CPSF4: variants seen among roughly 807,000 people sequenced by gnomAD.
CPSF4 encodes the protein cleavage and polyadenylation specific factor 4.
A neutral mutation model predicts 37.7 loss-of-function variants in CPSF4; 11 were observed. The observed-to-expected ratio is 0.29, with a 90% confidence interval of 0.18 to 0.48. The LOEUF (loss-of-function observed/expected upper bound fraction) is 0.48. Ranked by LOEUF, CPSF4 falls within the 20% of genes least tolerant of loss-of-function variation. The pLI is 0.99. For synonymous variants in CPSF4, 132 were observed against 135.9 expected (o/e 0.97, Z 0.20); for missense variants, 144 against 359.5 (o/e 0.40, Z 4.85).
At chr7:99,442,908 C>A in intron 1 of CPSF4, 1 of 1,417,284 alleles carries the variant, frequency 7.1e-7, no homozygotes, top group Non-Finnish European at 1.0e-6. Flanking sequence ...GCGCTCTGCT[C>A]TTTTCCTCTT....
At chr7:99,451,037 A>C (rs751550184) in intron 5 of CPSF4, 6 of 466,430 alleles carry the variant, frequency 1.3e-5, no homozygotes, top group Non-Finnish European at 1.9e-5. Context: ...CTGGTAATGT[A>C]ATGGAAGCTG....
Position 99,440,656 on chromosome 7 carries a change from ATATATATATATATATATATT to A in CPSF4, c.103+1473_103+1492del, listed in dbSNP as rs1562852705. The stretch of plus-strand genomic sequence containing the variant: ...ATAGGCATGAGCCACTGCACCTGGC[ATATATATATATATATATATT>A]TTTTTTTTTTTTTTTTTCCTGCCTG... On this transcript the variant is annotated intron_variant, in intron 1 of 7. Transcript: ENST00000292476. 9.9e-3 allele frequency among the ~76,000 whole-genome samples: 785 copies of A among 79,588 alleles called. 44 individuals are homozygous for A. The highest frequency in any genetic ancestry group is 0.072 in the African/African-American group (758 of 10,462). The allele number at this position is 79,588 out of a possible 152,430, so 52.2% of individuals were successfully genotyped here.
rs551718593 is a variant in CPSF4, at chr7:99,457,001, T to C, written c.*501T>C. 1.2e-5 allele frequency: 3 copies of C among 256,178 alleles called. No individual in the cohort carries two copies. Among genetic ancestry groups the C allele is most frequent in the Admixed American group, 9.7e-5 (2 of 20,522 alleles). The allele number at this position is 256,178 out of a possible 1,614,324, so 15.9% of individuals were successfully genotyped here. A position where few individuals can be genotyped will look rare whatever the true frequency, so the allele number is the denominator to read the frequency against. On this transcript the variant is annotated 3_prime_UTR_variant, in exon 8 of 8. Transcript: ENST00000292476. ...GGGAGCCCTTTGGGGCAAATTCAGG[T>C]GCCCCCATTGCCTCAGGCTGGCCCT...
At position 99,456,856 on chromosome 7, in the gene CPSF4, C is replaced by G; in HGVS notation, c.*356C>G. 2.6e-6 allele frequency: 1 copy of G among 391,052 alleles called. No individual in the cohort carries two copies. Among genetic ancestry groups the G allele is most frequent in the Non-Finnish European group, 4.9e-6 (1 of 203,126 alleles). The allele number at this position is 391,052 out of a possible 1,614,324, so 24.2% of individuals were successfully genotyped here. ...GGTGGTCATTCCCCTCATTAAACACCAGTTCTTGGTGACGCCAGGGGCTGG... is the reference window on the plus strand; with the variant it reads ...GGTGGTCATTCCCCTCATTAAACACGAGTTCTTGGTGACGCCAGGGGCTGG... On this transcript the variant is annotated 3_prime_UTR_variant, in exon 8 of 8. Transcript: ENST00000292476.
In CPSF4 at chr7:99,448,173, A is replaced by G; in HGVS notation, c.207A>G (p.Lys69=). 1 of 1,614,136 alleles carries G rather than the reference A, an allele frequency of 6.2e-7. No homozygotes were observed. Among genetic ancestry groups the G allele is most frequent in the Non-Finnish European group, 8.5e-7 (1 of 1,180,006 alleles). The change falls in exon 3 of 8, where the codon AAA becomes AAG. Residue 69 remains lysine, a synonymous_variant. Transcript: ENST00000292476. The surrounding 1 kb of genome is among the most constrained non-coding windows in gnomAD (Gnocchi z 4.4). The part of the protein sequence containing the change: ...HISGEKTVVC[K]HWLRGLCKKG... Reference sequence around the variant, plus strand: ...GTGGTGAGAAGACAGTTGTGTGCAAACACTGGCTGCGTGGCCTATGCAAGA... The same window carrying G: ...GTGGTGAGAAGACAGTTGTGTGCAAGCACTGGCTGCGTGGCCTATGCAAGA...
Position 99,444,793 on chromosome 7 carries a change from G to A in CPSF4, c.108G>A (p.Ser36=), listed in dbSNP as rs747343935. ...QPLPFPGMDK[S]GAAVCEFFLK... is the part of the protein sequence containing the mutation. ...CCTTTTCTCTCCTTTCTACAGAGTC[G>A]GGCGCTGCTGTCTGTGAATTCTTTT... Residue 36 remains serine, a synonymous_variant, in exon 2 of 8, where the codon TCG becomes TCA. Transcript: ENST00000292476. 8 of 1,613,284 alleles carry A rather than the reference G, an allele frequency of 5.0e-6. No individual in the cohort carries two copies. Among genetic ancestry groups the A allele is most frequent in the African/African-American group, 4.0e-5 (3 of 74,884 alleles).
rs541710164 is a variant in CPSF4, at chr7:99,442,453, G to C, written c.104-2336G>C. ...GGGCGGATCACGAGGTCAGGAGATC[G>C]AGACCATCCTGGCTAACACGGTGAA... On this transcript the variant is annotated intron_variant, in intron 1 of 7. Transcript: ENST00000292476. 2.6e-5 allele frequency among the ~76,000 whole-genome samples: 4 copies of C among 151,830 alleles called. No individual in the cohort carries two copies. The East Asian group carries it at 7.7e-4, about 29-fold the overall frequency.
chr7:99,443,940 T>G (rs1429424207), intron 1 of CPSF4, among the ~76,000 whole-genome samples: 2 of 151,796 alleles, frequency 1.3e-5, no homozygotes, highest in Non-Finnish European at 2.9e-5. Flanking sequence ...AAAAAAAAAT[T>G]GTGTACGGAT....
At chr7:99,445,908 A>G (rs1431555945) in intron 2 of CPSF4, among the ~76,000 whole-genome samples, 1 of 151,854 alleles carries the variant, frequency 6.6e-6, no homozygotes, top group Non-Finnish European at 1.5e-5. Flanking sequence ...AAAAAAAAAG[A>G]AAGAAAGAAG....
chr7:99,444,977 T>G, intron 2 of CPSF4, 138 bp downstream of exon 2: 1 of 777,278 alleles, frequency 1.3e-6, no homozygotes, highest in East Asian at 2.6e-5. Flanking sequence ...AAAACTGGTT[T>G]GGACAGGCTA....
At chr7:99,452,311 C>T in intron 5 of CPSF4, 57 bp from the exon 6 acceptor site, 1 of 1,440,294 alleles carries the variant, frequency 6.9e-7, no homozygotes, top group East Asian at 2.3e-5. Context: ...CTTCTCTTCT[C>T]ATCCCCTGAC....
At chr7:99,450,252 T>C (rs1797839735) in intron 3 of CPSF4, 24 bp from the exon 4 acceptor site, 1 of 1,590,414 alleles carries the variant, frequency 6.3e-7, no homozygotes. Context: ...TTCCCAGTGG[T>C]CTCACGTCTG....
intron 2 of CPSF4, 55 bp downstream of exon 2, chr7:99,444,894 C>A: frequency 6.6e-7 from 1 of 1,507,648 alleles, no homozygotes; most frequent in Non-Finnish European, 9.2e-7. Flanking sequence ...CCACCTCCTT[C>A]TCCCCGGCAG....
intron 1 of CPSF4, 35 bp downstream of exon 1, chr7:99,439,220 A>G (rs771137093): frequency 4.7e-6 from 7 of 1,494,020 alleles, no homozygotes; most frequent in Non-Finnish European, 6.4e-6. Context: ...GGCAAGAGCG[A>G]CTCGAACCCG....
intron 1 of CPSF4, chr7:99,441,460 C>A (rs1002780887): frequency 2.2e-6 from 1 of 456,132 alleles, no homozygotes; most frequent in Admixed American, 2.3e-5. Context: ...TCGGTAGGCA[C>A]CCTCCACACT....
At chr7:99,446,505 C>A (rs953880087) in intron 2 of CPSF4, among the ~76,000 whole-genome samples, 4 of 152,278 alleles carry the variant, frequency 2.6e-5, no homozygotes, top group South Asian at 2.1e-4. Flanking sequence ...TCTCACACAT[C>A]CCCAGAGGCT....
At position 99,448,333 on chromosome 7, in the gene CPSF4, G is replaced by A. The variant is rs938527777; in HGVS notation, c.307+60G>A. ...AACCAGGGTGCAGAGGGGTCCGCTG[G>A]CTGCTCAGTGCCCACACTGTCTCTG... On this transcript the variant is annotated intron_variant, in intron 3 of 7. Transcript: ENST00000292476. The surrounding 1 kb of genome is among the most constrained non-coding windows in gnomAD (Gnocchi z 4.4). 40 of 1,558,048 alleles carry A rather than the reference G, an allele frequency of 2.6e-5. No homozygotes were observed. The highest frequency in any genetic ancestry group is 3.4e-5 in the Non-Finnish European group (39 of 1,141,314).
intron 2 of CPSF4, among the ~76,000 whole-genome samples, chr7:99,446,397 C>T (rs934017564): frequency 6.6e-6 from 1 of 152,212 alleles, no homozygotes; most frequent in African/African-American, 2.4e-5. Context: ...TCAGTAGTCA[C>T]ATGGGGCTAG....
chr7:99,446,604 C>CT (rs765309712), intron 2 of CPSF4, among the ~76,000 whole-genome samples: 1,494 of 140,778 alleles, frequency 0.011, 19 homozygotes, highest in African/African-American at 0.023. Context: ...TTGGTCTTTC[C>CT]TTTTTTTTTT....
Sources: allele counts gnomAD v4.1 joint callset (sites outside exome capture counted in the v4.1 genomes callset), GRCh38; gene constraint gnomAD v4.1.1; non-coding constraint Gnocchi (gnomAD v3.1); transcripts MANE v1.5; gene names NCBI Gene and HGNC (gene_info 2026-07-23, HGNC 2026-07-21).